The following STRIP1 variants were observed in gnomAD, a reference collection of about 807,000 sequenced individuals.
STRIP1 encodes striatin interacting protein 1, also known as striatin-interacting protein 1.
A neutral mutation model predicts 106.2 loss-of-function variants in STRIP1; 63 were observed. The observed-to-expected ratio is 0.59, with a 90% confidence interval of 0.48 to 0.73. STRIP1 has a LOEUF of 0.73. Ranked by LOEUF, STRIP1 falls within the 30% of genes least tolerant of loss-of-function variation. The probability of loss-of-function intolerance (pLI) is 0.00; values close to 1 mark genes in which losing one functional copy is unlikely to be tolerated. For missense variants in STRIP1, 857 were observed against 1,074.8 expected, an observed-to-expected ratio of 0.80 and a Z score of 2.83; for synonymous variants, 390 against 413.0, an observed-to-expected ratio of 0.94 and a Z score of 0.67.
intron 2 of STRIP1, 76 bp downstream of exon 2, chr1:110,038,036 CATTT>C: frequency 1.4e-6 from 1 of 693,020 alleles, no homozygotes; most frequent in Non-Finnish European, 2.4e-6. Flanking sequence ...TAATGAATAT[CATTT>C]AGGGCTTCAT....
intron 19 of STRIP1, among the ~76,000 whole-genome samples, chr1:110,051,302 A>T (rs1232245329): frequency 6.6e-6 from 1 of 152,220 alleles, no homozygotes; most frequent in African/African-American, 2.4e-5. Context: ...TGTCGTCTTA[A>T]TCTTGATTGG....
Position 110,044,798 on chromosome 1 carries a change from T to C in STRIP1, c.1287-42T>C, listed in dbSNP as rs772157272. On this transcript the variant is annotated intron_variant, in intron 10 of 20. Coordinates refer to ENST00000369795, the MANE Select transcript of STRIP1 (RefSeq NM_033088.4). ...TGTAACACTTTGAAATAGCATTTGC[T>C]AAAAACCTTTTTTCTTTCTCTCTTT... 1.1e-5 allele frequency: 17 copies of C among 1,605,092 alleles called. No homozygotes were observed. In the South Asian group the frequency reaches 1.9e-4, roughly 18 times the overall value.
chr1:110,051,659 CTGCT>C lies in STRIP1; in HGVS notation c.2062-17_2062-14del. 1 of 1,575,000 alleles carries C rather than the reference CTGCT, an allele frequency of 6.3e-7. No homozygotes were observed. Among genetic ancestry groups the C allele is most frequent in the South Asian group, 1.2e-5 (1 of 86,792 alleles). On this transcript the variant is annotated intron_variant, in intron 19 of 20. Coordinates refer to ENST00000369795, the MANE Select transcript of STRIP1 (RefSeq NM_033088.4). ...CATTTATTTTTGTCTTCAACTTGGG[CTGCT>C]TGCTTGTTTCCCTTCCCAGATGCTG...
At chr1:110,038,557 C>T in intron 2 of STRIP1, 126 bp from the exon 3 acceptor site, 1 of 687,604 alleles carries the variant, frequency 1.5e-6, no homozygotes, top group Non-Finnish European at 2.6e-6. Flanking sequence ...GAGCTTATTC[C>T]AGGAGTCACT....
rs1444119904 is a variant in STRIP1, at chr1:110,034,780, C to A, written c.143C>A (p.Ala48Asp). Residue 48 changes from alanine (A) to aspartate (D), a missense_variant, in exon 1 of 21, where the codon GCC (alanine) becomes GAC (aspartate). Coordinates refer to ENST00000369795, the MANE Select transcript of STRIP1 (RefSeq NM_033088.4). ...GCGGGCCTCCTGCCTGGGGGCAAAG[C>A]CCGCGAGTTCAACCGCAACCAGCGC... ...AAAGLLPGGKAREFNRNQRKD... is the reference protein window; with the variant it reads ...AAAGLLPGGKDREFNRNQRKD... 2 of 1,429,570 alleles carry A rather than the reference C, an allele frequency of 1.4e-6. No individual in the cohort carries two copies. The highest frequency in any genetic ancestry group is 1.8e-6 in the Non-Finnish European group (2 of 1,097,836). The allele number at this position is 1,429,570 out of a possible 1,614,324, so 88.6% of individuals were successfully genotyped here.
intron 8 of STRIP1, chr1:110,042,845 T>A: frequency 2.1e-6 from 1 of 479,800 alleles, no homozygotes. Flanking sequence ...GCAGAGTTAG[T>A]GTATCTGCAC....
intron 14 of STRIP1, 30 bp downstream of exon 14, chr1:110,047,646 A>G (rs1653091781): frequency 1.3e-6 from 2 of 1,593,610 alleles, no homozygotes; most frequent in South Asian, 1.1e-5. Context: ...GGACACTCCC[A>G]CTACACTGGC....
rs148210599 is a variant in STRIP1 at position 110,051,880 on chromosome 1, C to T, written c.2259C>T (p.Tyr753=). ...VRHRLNDDWA[Y]GNDLDARPWD... Reference sequence around the variant, plus strand: ...ATCGGCTGAACGACGACTGGGCATACGGCAATGGTGAGACTCTGCACTCAG... The same window carrying T: ...ATCGGCTGAACGACGACTGGGCATATGGCAATGGTGAGACTCTGCACTCAG... Residue 753 remains tyrosine, a synonymous_variant, in exon 20 of 21, where the codon TAC becomes TAT. Transcript: ENST00000369795. 53 of 1,612,066 alleles carry T rather than the reference C, an allele frequency of 3.3e-5. No individual in the cohort carries two copies. The African/African-American group carries it at 4.3e-4, about 13-fold the overall frequency.
upstream of STRIP1, among the ~76,000 whole-genome samples, chr1:110,032,889 A>G (rs1652261660): frequency 2.0e-5 from 3 of 152,194 alleles, no homozygotes; most frequent in Non-Finnish European, 4.4e-5. Context: ...ACATCACACC[A>G]TAACATCTCC....
intron 12 of STRIP1, among the ~76,000 whole-genome samples, chr1:110,045,826 C>G (rs1652994466): frequency 6.6e-6 from 1 of 152,108 alleles, no homozygotes; most frequent in Non-Finnish European, 1.5e-5. Flanking sequence ...AGGGTGAGGA[C>G]AAGTCCGCCC....
chr1:110,038,373 C>T, intron 2 of STRIP1: 1 of 339,678 alleles, frequency 2.9e-6, no homozygotes, highest in Non-Finnish European at 5.5e-6. Flanking sequence ...CTACAATACA[C>T]ATCCTGCTCA....
At position 110,035,517 on chromosome 1, in the gene STRIP1, G is replaced by C. The variant is rs186725831; in HGVS notation, c.180+700G>C. ...CAACATTCCTTCCTGTCTCGCTAGT[G>C]AGCCGTTCCTGCCGTTCTGGAGATG... is the stretch of plus-strand genomic sequence containing the variant. On this transcript the variant is annotated intron_variant, in intron 1 of 20. Transcript: ENST00000369795. Among the ~76,000 whole-genome samples, 95 of 152,254 alleles carry C rather than the reference G, an allele frequency of 6.2e-4. 1 individual carries two copies. The highest frequency in any genetic ancestry group is 5.8e-3 in the Admixed American group (89 of 15,294).
chr1:110,031,930 C>T (rs370505537), upstream of STRIP1, among the ~76,000 whole-genome samples: 11 of 146,612 alleles, frequency 7.5e-5, no homozygotes, highest in East Asian at 7.9e-4. Flanking sequence ...GATAGGGTCT[C>T]GCTCTGTTGC....
chr1:110,049,179 G>A lies in STRIP1; in HGVS notation c.1729G>A (p.Ala577Thr), dbSNP rs752741941. The A allele has an allele frequency of 1.5e-5, 24 of 1,614,044 alleles. No homozygotes were observed. Among genetic ancestry groups the A allele is most frequent in the Non-Finnish European group, 1.9e-5 (23 of 1,180,052 alleles). The change falls in exon 16 of 21, where the codon GCC becomes ACC. Residue 577 changes from alanine to threonine, a missense_variant. Transcript: ENST00000369795. The part of the protein sequence containing the change: ...VNRHKEVIVK[A>T]ISAVLLLLLK... Reference sequence around the variant, plus strand: ...CCGCCACAAAGAGGTCATTGTTAAGGCCATTTCTGCTGTCCTGCTGCTGCT... The same window carrying A: ...CCGCCACAAAGAGGTCATTGTTAAGACCATTTCTGCTGTCCTGCTGCTGCT...
intron 20 of STRIP1, among the ~76,000 whole-genome samples, chr1:110,053,071 T>C (rs542179452): frequency 6.6e-6 from 1 of 152,328 alleles, no homozygotes; most frequent in Non-Finnish European, 1.5e-5. Flanking sequence ...GCCTCCATCA[T>C]ACCCAGAGCT....
At chr1:110,042,614 A>G (rs1041167476) in intron 8 of STRIP1, among the ~76,000 whole-genome samples, 1 of 152,246 alleles carries the variant, frequency 6.6e-6, no homozygotes, top group African/African-American at 2.4e-5. Context: ...CAGTAAAACT[A>G]AGCAGTCTAA....
chr1:110,039,233 C>G lies in STRIP1; in HGVS notation c.387C>G (p.Leu129=). 2 of 1,614,184 alleles carry G rather than the reference C, an allele frequency of 1.2e-6. No homozygotes were observed. Among genetic ancestry groups the G allele is most frequent in the Non-Finnish European group, 1.7e-6 (2 of 1,180,040 alleles). The stretch of plus-strand genomic sequence containing the variant: ...AGCACCGGACCCATGCCATGAGGCT[C>G]CTGGATGGCTTGGAAGTCACTGCCA... ...TNQHRTHAMR[L]LDGLEVTARE... is the part of the protein sequence containing the mutation. The change falls in exon 4 of 21, where the codon CTC becomes CTG. Residue 129 remains leucine, a synonymous_variant. Coordinates refer to ENST00000369795, the MANE Select transcript of STRIP1 (RefSeq NM_033088.4).
chr1:110,045,063 C>G lies in STRIP1; in HGVS notation c.1401C>G (p.Ile467Met). The change falls in exon 12 of 21, where the codon ATC becomes ATG. Residue 467 changes from isoleucine to methionine, a missense_variant. Ile to Met is a conservative substitution (Grantham distance 10, BLOSUM62 1). This residue lies in a region of STRIP1 where 750 missense variants were observed against 989.8 expected (regional missense o/e 0.76). Coordinates refer to ENST00000369795, the MANE Select transcript of STRIP1 (RefSeq NM_033088.4). ...TGCCCAGGCCAATCCACGAAAGCATCAAGACTCTGAAACAGGTGAGTGGCT... is the reference window on the plus strand; with the variant it reads ...TGCCCAGGCCAATCCACGAAAGCATGAAGACTCTGAAACAGGTGAGTGGCT... Reference protein sequence around the residue: ...VGLPRPIHESIKTLKQHKYTS... With the variant: ...VGLPRPIHESMKTLKQHKYTS... 2.5e-6 allele frequency: 4 copies of G among 1,614,046 alleles called. No homozygotes were observed. The highest frequency in any genetic ancestry group is 3.4e-6 in the Non-Finnish European group (4 of 1,179,988).
At chr1:110,035,077 C>T (rs778768113) in intron 1 of STRIP1, among the ~76,000 whole-genome samples, 5 of 152,242 alleles carry the variant, frequency 3.3e-5, no homozygotes, top group African/African-American at 1.2e-4. Context: ...TGGGCCCCGA[C>T]TGTGGGCGTG....
Sources: gnomAD v4.1 joint callset for allele counts (sites outside exome capture counted in the v4.1 genomes callset) on GRCh38, gnomAD v4.1.1 for gene constraint, gnomAD v4.1.1 regional missense constraint, MANE v1.5 for transcripts, NCBI Gene and HGNC (gene_info 2026-07-23, HGNC 2026-07-21) for gene names.